RC3H2: variants seen among roughly 807,000 people sequenced by gnomAD.
The protein encoded by RC3H2 is roquin-2.
Under a neutral mutation model 133.3 loss-of-function variants are expected in RC3H2, and 31 were observed. The observed-to-expected ratio is 0.23, with a 90% CI of 0.17 to 0.31. The LOEUF is 0.31. Among genes scored for constraint, RC3H2 ranks in the 10% least tolerant of loss-of-function variants. The pLI is 1.00. For missense variants in RC3H2, 1,175 were observed against 1,437.2 expected, an observed-to-expected ratio of 0.82 and a Z score of 2.95; for synonymous variants, 517 against 502.2, an observed-to-expected ratio of 1.03 and a Z score of -0.40.
At position 122,846,959 on chromosome 9, in the gene RC3H2, A is replaced by G. The variant is rs1356750380; in HGVS notation, c.*2668T>C. 6.6e-6 allele frequency: 1 copy of G among 152,206 alleles called. No individual in the cohort carries two copies. Among genetic ancestry groups the G allele is most frequent in the Non-Finnish European group, 1.5e-5 (1 of 67,992 alleles). The allele number at this position is 152,206 out of a possible 1,614,324, so 9.4% of individuals were successfully genotyped here. ...CCATGACAGACAGAAGGTGACCACTACATAGAGAATGGATGCAACACAGAA... is the reference window on the plus strand; with the variant it reads ...CCATGACAGACAGAAGGTGACCACTGCATAGAGAATGGATGCAACACAGAA... On this transcript the variant is annotated 3_prime_UTR_variant, in exon 21 of 21. Transcript: ENST00000357244.
intron 11 of RC3H2, 139 bp from the exon 12 acceptor site, chr9:122,859,241 T>TTA (rs1830365376): frequency 1.8e-6 from 1 of 552,182 alleles, no homozygotes; most frequent in Admixed American, 4.3e-5. Context: ...TTATAAAGCT[T>TTA]TATACCCTGG....
chr9:122,872,243 T>C (rs948927154), intron 9 of RC3H2, among the ~76,000 whole-genome samples: 2 of 152,244 alleles, frequency 1.3e-5, no homozygotes, highest in South Asian at 2.1e-4. Flanking sequence ...CTTTTCTTTA[T>C]AGCCCACATT....
chr9:122,867,092 G>GCC (rs1830718449), intron 9 of RC3H2, among the ~76,000 whole-genome samples: 1 of 131,306 alleles, frequency 7.6e-6, no homozygotes, highest in African/African-American at 2.9e-5. Flanking sequence ...CTGCCCAGCC[G>GCC]CCCCGTCTGA....
intron 2 of RC3H2, among the ~76,000 whole-genome samples, chr9:122,896,282 T>C (rs892691476): frequency 6.6e-6 from 1 of 152,162 alleles, no homozygotes; most frequent in African/African-American, 2.4e-5. Context: ...TTTCCATATA[T>C]ACATCCCTAC....
intron 9 of RC3H2, among the ~76,000 whole-genome samples, chr9:122,871,298 ATCT>A (rs1166946574): frequency 6.6e-6 from 1 of 150,850 alleles, no homozygotes; most frequent in Non-Finnish European, 1.5e-5. Context: ...CAAATGTTGT[ATCT>A]TCTTTTTTTT....
At chr9:122,897,048 AAAG>A (rs1437485668) in intron 2 of RC3H2, among the ~76,000 whole-genome samples, 5 of 149,892 alleles carry the variant, frequency 3.3e-5, no homozygotes, top group Admixed American at 2.0e-4. Flanking sequence ...AAAAAAAAAA[AAAG>A]GCCACATAAG....
intron 9 of RC3H2, among the ~76,000 whole-genome samples, chr9:122,868,899 T>G (rs1165110743): frequency 3.1e-5 from 3 of 96,416 alleles, no homozygotes; most frequent in African/African-American, 8.1e-5. Flanking sequence ...GTATGTGTTT[T>G]TTTTTTTTTT....
intron 20 of RC3H2, among the ~76,000 whole-genome samples, chr9:122,850,516 GCTCA>G (rs1326871080): frequency 5.9e-5 from 9 of 151,284 alleles, no homozygotes; most frequent in Non-Finnish European, 8.8e-5. Context: ...CACGATCTTG[GCTCA>G]CTGTCTCCGC....
chr9:122,875,101 T>C, intron 9 of RC3H2: 3 of 1,380,580 alleles, frequency 2.2e-6, no homozygotes, highest in Non-Finnish European at 2.8e-6. Flanking sequence ...TCCCAAATTA[T>C]CTTGATGTGA....
chr9:122,855,595 T>C (rs1267433090), intron 14 of RC3H2, 137 bp downstream of exon 14: 2 of 1,018,488 alleles, frequency 2.0e-6, no homozygotes, highest in Admixed American at 2.4e-5. Flanking sequence ...ATTTCAGACT[T>C]ACCTAAATAT....
rs1830013006 is a variant in RC3H2 at position 122,851,420 on chromosome 9, G to A, written c.3134C>T (p.Thr1045Ile). 1.9e-6 allele frequency: 3 copies of A among 1,613,832 alleles called. No homozygotes were observed. The highest frequency in any genetic ancestry group is 2.7e-5 in the African/African-American group (2 of 74,894). ...LRNGELQSDY[T>I]EDATDTKPDR... ...AGGTTTAGTATCTGTTGCATCTTCT[G>A]TATAATCACTCTGTAACTAAGAAAA... Residue 1045 changes from threonine to isoleucine, a missense_variant, in exon 19 of 21, where the codon ACA becomes ATA. Transcript: ENST00000357244.
rs1175691384 is a variant in RC3H2, at chr9:122,851,429, C to T, written c.3125G>A (p.Ser1042Asn). 1 of 1,613,952 alleles carries T rather than the reference C, an allele frequency of 6.2e-7. No individual in the cohort carries two copies. The highest frequency in any genetic ancestry group is 8.5e-7 in the Non-Finnish European group (1 of 1,179,944). ...ATCTGTTGCATCTTCTGTATAATCA[C>T]TCTGTAACTAAGAAAAATACTGATT... Reference protein sequence around the residue: ...EIELRNGELQSDYTEDATDTK... With the variant: ...EIELRNGELQNDYTEDATDTK... Residue 1042 changes from serine to asparagine, a missense_variant, in exon 19 of 21, where the codon AGT (serine) becomes AAT (asparagine). Physicochemically the swap from Ser to Asn is conservative, Grantham distance 46. Coordinates refer to ENST00000357244, the MANE Select transcript of RC3H2 (RefSeq NM_001100588.3).
Position 122,905,223 on chromosome 9 carries a change from G to T in RC3H2, c.-181C>A. The T allele has an allele frequency of 1.0e-6, 1 of 984,942 alleles. No individual in the cohort carries two copies. Among genetic ancestry groups the T allele is most frequent in the Non-Finnish European group, 1.2e-6 (1 of 829,900 alleles). 61.0% of individuals were successfully genotyped at this position (984,942 alleles called of 1,614,324 possible). On this transcript the variant is annotated 5_prime_UTR_variant, in exon 1 of 21. Transcript: ENST00000357244. Reference sequence around the variant, plus strand: ...GGGCAGAGCTCGGCGGAGGTTTCACGACCTCAAACTCCATCGGGAGCTACA... The same window carrying T: ...GGGCAGAGCTCGGCGGAGGTTTCACTACCTCAAACTCCATCGGGAGCTACA...
chr9:122,873,824 A>C (rs1427350671), intron 9 of RC3H2: 1 of 152,052 alleles, frequency 6.6e-6, no homozygotes, highest in Non-Finnish European at 1.5e-5. Flanking sequence ...ATTTATTTAT[A>C]TTTATTTTTT....
chr9:122,867,304 C>A (rs1830744363), intron 9 of RC3H2, among the ~76,000 whole-genome samples: 1 of 106,476 alleles, frequency 9.4e-6, no homozygotes, highest in Non-Finnish European at 2.0e-5. Flanking sequence ...CCCCGCCCGG[C>A]CAGCCGCCCC....
chr9:122,850,996 C>G, intron 20 of RC3H2, 85 bp downstream of exon 20: 1 of 1,482,364 alleles, frequency 6.7e-7, no homozygotes, highest in East Asian at 2.3e-5. Flanking sequence ...CCCCTCACAG[C>G]ATAAAGCCAA....
At chr9:122,904,722 G>A (rs568757105) in intron 1 of RC3H2, among the ~76,000 whole-genome samples, 2 of 152,320 alleles carry the variant, frequency 1.3e-5, no homozygotes, top group African/African-American at 4.8e-5. Flanking sequence ...GGAAGCCCCA[G>A]GGCAGAAAGC....
intron 9 of RC3H2, among the ~76,000 whole-genome samples, chr9:122,866,367 C>CTCCCCT (rs1564293225): frequency 2.3e-4 from 1 of 4,288 alleles, no homozygotes; most frequent in African/African-American, 2.7e-4. Flanking sequence ...CCCTCTCCCC[C>CTCCCCT]TCCCCCTCCC....
At chr9:122,878,163 T>C (rs767405200) in intron 8 of RC3H2, among the ~76,000 whole-genome samples, 7 of 152,256 alleles carry the variant, frequency 4.6e-5, no homozygotes, top group Non-Finnish European at 1.0e-4. Context: ...GATGAAAACA[T>C]TTGTTTTTAA....
Sources: allele counts gnomAD v4.1 joint callset (sites outside exome capture counted in the v4.1 genomes callset), GRCh38; gene constraint gnomAD v4.1.1; transcripts MANE v1.5; gene names NCBI Gene and HGNC (gene_info 2026-07-23, HGNC 2026-07-21).